CARMIL2: variants seen among roughly 807,000 people sequenced by gnomAD.
CARMIL2 encodes capping protein regulator and myosin 1 linker 2.
In CARMIL2, 96 loss-of-function variants were observed where a neutral mutation model predicts 173.3. The observed-to-expected ratio is 0.55, with a 90% CI of 0.47 to 0.66. The LOEUF (loss-of-function observed/expected upper bound fraction) is 0.66. Ranked by LOEUF, CARMIL2 falls within the 30% of genes least tolerant of loss-of-function variation. The pLI is 0.00. For synonymous variants in CARMIL2, 830 were observed against 817.1 expected, an observed-to-expected ratio of 1.02 and a Z score of -0.27; for missense variants, 1,771 against 1,906.7, an observed-to-expected ratio of 0.93 and a Z score of 1.33.
intron 32 of CARMIL2, among the ~76,000 whole-genome samples, chr16:67,655,580 C>T (rs573902595): frequency 3.3e-5 from 5 of 152,360 alleles, no homozygotes; most frequent in South Asian, 4.1e-4. Context: ...AACCTCACTG[C>T]TTTCCTCCCC....
chr16:67,646,726 A>G lies in CARMIL2; in HGVS notation c.479A>G (p.Glu160Gly). 6.2e-7 allele frequency: 1 copy of G among 1,613,892 alleles called. No homozygotes were observed. Among genetic ancestry groups the G allele is most frequent in the Non-Finnish European group, 8.5e-7 (1 of 1,179,868 alleles). The change falls in exon 7 of 38, where the codon GAG (glutamate) becomes GGG (glycine). Residue 160 changes from glutamate to glycine, a missense_variant. By Grantham distance (98) the Glu-to-Gly change is moderately conservative (BLOSUM62 -2). This residue lies in a region of CARMIL2 where 944 missense variants were observed against 975.6 expected (regional missense o/e 0.97). Transcript: ENST00000334583. The surrounding 1 kb of genome is among the most constrained non-coding windows in gnomAD (Gnocchi z 4.6). ...DPCSPCGGFL[E>G]TYEALCDYNG... ...ATCCCCTCCCCAGGTGGCTTCTTGG[A>G]GACATACGAGGCTCTGTGTGACTAC... is the stretch of plus-strand genomic sequence containing the variant.
chr16:67,654,120 C>T, intron 29 of CARMIL2, 29 bp from the exon 30 acceptor site: 1 of 1,415,268 alleles, frequency 7.1e-7, no homozygotes, highest in Non-Finnish European at 9.6e-7. Context: ...GCACTCAACC[C>T]TGACCCCTGA....
In CARMIL2 at chr16:67,653,489, C is replaced by A; in HGVS notation, c.3120+235C>A. Among the ~76,000 whole-genome samples, 1 of 152,022 alleles carries A rather than the reference C, an allele frequency of 6.6e-6. No individual in the cohort carries two copies. Among genetic ancestry groups the A allele is most frequent in the East Asian group, 1.9e-4 (1 of 5,136 alleles). ...CGGGGTGTGCCTGGGTGTGGGACTC[C>A]GTCTCGGGGCGGCCCGCGGCCTCCG... On this transcript the variant is annotated intron_variant, in intron 29 of 37. Transcript: ENST00000334583. The surrounding 1 kb of genome is among the most constrained non-coding windows in gnomAD (Gnocchi z 7.4).
Position 67,652,978 on chromosome 16 carries a change from C to G in CARMIL2, c.2885-41C>G, listed in dbSNP as rs1379125140. On this transcript the variant is annotated intron_variant, in intron 28 of 37. Coordinates refer to ENST00000334583, the MANE Select transcript of CARMIL2 (RefSeq NM_001013838.3). The surrounding 1 kb of genome is among the most constrained non-coding windows in gnomAD (Gnocchi z 4.7). ...CCTAGCGCCTCCGCCGCCACCTCCC[C>G]GGGCTCGGCGCTCGGTGCTCTTCTG... is the stretch of plus-strand genomic sequence containing the variant. The G allele has an allele frequency of 1.6e-5, 18 of 1,124,674 alleles. No individual in the cohort carries two copies. The East Asian group carries it at 2.3e-4, about 14-fold the overall frequency. The allele number at this position is 1,124,674 out of a possible 1,614,324, so 69.7% of individuals were successfully genotyped here.
In CARMIL2 at chr16:67,646,168, G is replaced by C; in HGVS notation, c.250-18G>C. 1 of 1,613,804 alleles carries C rather than the reference G, an allele frequency of 6.2e-7. No individual in the cohort carries two copies. On this transcript the variant is annotated intron_variant, in intron 4 of 37. Coordinates refer to ENST00000334583, the MANE Select transcript of CARMIL2 (RefSeq NM_001013838.3). The surrounding 1 kb of genome is among the most constrained non-coding windows in gnomAD (Gnocchi z 4.6). ...CGCCCATGTGTGGAGCCGAGGCCTA[G>C]TAGTGCCCCTTCCCTAGGTCACCTT...
At position 67,652,572 on chromosome 16, in the gene CARMIL2, G is replaced by A. The variant is rs377249295; in HGVS notation, c.2884+34G>A. On this transcript the variant is annotated intron_variant, in intron 28 of 37. Coordinates refer to ENST00000334583, the MANE Select transcript of CARMIL2 (RefSeq NM_001013838.3). The surrounding 1 kb of genome is among the most constrained non-coding windows in gnomAD (Gnocchi z 4.7). ...GGGCCTTGGGGGAGGGAGTTTACGTGGGTGGGCTGAAGCTCCATTAGACTT... is the reference window on the plus strand; with the variant it reads ...GGGCCTTGGGGGAGGGAGTTTACGTAGGTGGGCTGAAGCTCCATTAGACTT... 531 of 1,600,068 alleles carry A rather than the reference G, an allele frequency of 3.3e-4. 3 individuals are homozygous for A. The highest frequency in any genetic ancestry group is 6.9e-4 in the Admixed American group (41 of 59,684).
rs1156361909 is a variant in CARMIL2, at chr16:67,656,821, CCT to C, written c.4063_4064del (p.Ser1355GlyfsTer10). 2 of 1,550,958 alleles carry C rather than the reference CCT, an allele frequency of 1.3e-6. No individual in the cohort carries two copies. Among genetic ancestry groups the C allele is most frequent in the Non-Finnish European group, 1.7e-6 (2 of 1,147,076 alleles). ...RNEDGQLRPR[P>X]LSAGRRAVSV... ...CTCAGATGGCCAGCTGAGGCCGAGG[CCT>C]CTCTCGGCAGGGCGGCGAGCAGTGT... On this transcript the variant is annotated frameshift_variant, in exon 36 of 38. Transcript: ENST00000334583. LOFTEE classifies it high-confidence loss of function.
rs372017553 is a variant in CARMIL2 at position 67,649,272 on chromosome 16, C to G, written c.1707C>G (p.Val569=). 3.7e-6 allele frequency: 6 copies of G among 1,613,208 alleles called. No homozygotes were observed. The highest frequency in any genetic ancestry group is 1.3e-5 in the African/African-American group (1 of 74,948). The change falls in exon 19 of 38, where the codon GTC becomes GTG. Residue 569 remains valine (V), a synonymous_variant. Coordinates refer to ENST00000334583, the MANE Select transcript of CARMIL2 (RefSeq NM_001013838.3). This position sits in a 1 kb window ranked among gnomAD's most constrained non-coding sequence, Gnocchi z 6.7. ...CCCACAGGGAGACCCTGGACGACGT[C>G]CTGCACCGGATTGTCCAGCTCATGC... ...NVRCKETLDD[V]LHRIVQLMQD...
intron 1 of CARMIL2, 103 bp from the exon 2 acceptor site, chr16:67,645,437 G>T (rs1390082103): frequency 7.3e-7 from 1 of 1,369,882 alleles, no homozygotes; most frequent in Non-Finnish European, 1.0e-6. Context: ...CTCCTTCCTC[G>T]CTGGCCGCAG....
Position 67,656,287 on chromosome 16 carries a change from T to G in CARMIL2, c.3802T>G (p.Ser1268Ala). 1 of 1,613,934 alleles carries G rather than the reference T, an allele frequency of 6.2e-7. No homozygotes were observed. The highest frequency in any genetic ancestry group is 8.5e-7 in the Non-Finnish European group (1 of 1,179,862). Residue 1268 changes from serine (S) to alanine (A), a missense_variant, in exon 34 of 38, where the codon TCT (serine) becomes GCT (alanine). Ser to Ala is a moderately conservative substitution (Grantham distance 99, BLOSUM62 1). Coordinates refer to ENST00000334583, the MANE Select transcript of CARMIL2 (RefSeq NM_001013838.3). ...PPISIKSRTHSVSADPSCRPG... is the reference protein window; with the variant it reads ...PPISIKSRTHAVSADPSCRPG... ...CATCTCGATCAAGTCCCGCACCCAC[T>G]CTGTGTCTGCTGGTGAGTGAGGGCC...
In CARMIL2 at chr16:67,649,206, C is replaced by A. The variant is rs374574303; in HGVS notation, c.1688+34C>A. ...CCACCCTACTCCTGGGCCTCCCAGA[C>A]AACACCCCACCACCCCTGTCCCCCA... On this transcript the variant is annotated intron_variant, in intron 18 of 37. Coordinates refer to ENST00000334583, the MANE Select transcript of CARMIL2 (RefSeq NM_001013838.3). This position sits in a 1 kb window ranked among gnomAD's most constrained non-coding sequence, Gnocchi z 6.7. 413 of 1,612,696 alleles carry A rather than the reference C, an allele frequency of 2.6e-4. No individual in the cohort carries two copies. Among genetic ancestry groups the A allele is most frequent in the Non-Finnish European group, 3.0e-4 (355 of 1,179,342 alleles).
In CARMIL2 at chr16:67,652,340, G is replaced by T; in HGVS notation, c.2817+1G>T. On this transcript the variant is annotated splice_donor_variant, in intron 27 of 37. Transcript: ENST00000334583. LOFTEE classifies it high-confidence loss of function. The surrounding 1 kb of genome is among the most constrained non-coding windows in gnomAD (Gnocchi z 4.7). ...GGAGAAGGAAGAGGAGAAGGAGAAG[G>T]TAAGTGGTTTTAGAACACGGGGCAT... 1 of 1,613,326 alleles carries T rather than the reference G, an allele frequency of 6.2e-7. No homozygotes were observed.
At position 67,647,832 on chromosome 16, in the gene CARMIL2, C is replaced by A. The variant is rs758300293; in HGVS notation, c.959-14C>A. 1 of 1,600,526 alleles carries A rather than the reference C, an allele frequency of 6.2e-7. No individual in the cohort carries two copies. The highest frequency in any genetic ancestry group is 1.7e-5 in the Admixed American group (1 of 58,888). ...GGTCTGTCCAACTGCTGAGTGACCCCGACCCACCACCAGGAATGAGGGCTC... is the reference window on the plus strand; with the variant it reads ...GGTCTGTCCAACTGCTGAGTGACCCAGACCCACCACCAGGAATGAGGGCTC... On this transcript the variant is annotated splice_polypyrimidine_tract_variant and intron_variant, in intron 12 of 37. Transcript: ENST00000334583.
Position 67,652,099 on chromosome 16 carries a change from G to A in CARMIL2, c.2676+91G>A, listed in dbSNP as rs1190744105. ...TGCAGGGGCTCTGTAATGTCTTCTG[G>A]GGTCATGTAGCCCAGGGCTATTTCA... On this transcript the variant is annotated intron_variant, in intron 26 of 37. Transcript: ENST00000334583. The surrounding 1 kb of genome is among the most constrained non-coding windows in gnomAD (Gnocchi z 4.7). The A allele has an allele frequency of 3.7e-6, 6 of 1,600,340 alleles. No homozygotes were observed. The highest frequency in any genetic ancestry group is 5.1e-6 in the Non-Finnish European group (6 of 1,170,568).
At position 67,647,729 on chromosome 16, in the gene CARMIL2, GA is replaced by G; in HGVS notation, c.922del (p.Arg308AspfsTer9). The part of the protein sequence containing the change: ...HLERCPGALR[R>X]LSLAQTGLTP... ...TCGAGCGTTGTCCAGGAGCCCTGAG[GA>G]GACTCAGCCTGGCCCAGACAGGGTT... On this transcript the variant is annotated frameshift_variant, in exon 12 of 38. Coordinates refer to ENST00000334583, the MANE Select transcript of CARMIL2 (RefSeq NM_001013838.3). LOFTEE classifies it high-confidence loss of function. 1 of 1,505,520 alleles carries G rather than the reference GA, an allele frequency of 6.6e-7. No homozygotes were observed. The highest frequency in any genetic ancestry group is 8.9e-7 in the Non-Finnish European group (1 of 1,117,352). 93.3% of individuals were successfully genotyped at this position (1,505,520 alleles called of 1,614,324 possible). A position where few individuals can be genotyped will look rare whatever the true frequency, so the allele number is the denominator to read the frequency against.
At position 67,657,551 on chromosome 16, in the gene CARMIL2, A is replaced by G; in HGVS notation, c.*33A>G. On this transcript the variant is annotated 3_prime_UTR_variant, in exon 38 of 38. Coordinates refer to ENST00000334583, the MANE Select transcript of CARMIL2 (RefSeq NM_001013838.3). This position sits in a 1 kb window ranked among gnomAD's most constrained non-coding sequence, Gnocchi z 4.5. Reference sequence around the variant, plus strand: ...CTCTCCTGCCGCATGAGATTATTTTATTAAAAAACTCAAAGGAAGCAGAGT... The same window carrying G: ...CTCTCCTGCCGCATGAGATTATTTTGTTAAAAAACTCAAAGGAAGCAGAGT... The G allele has an allele frequency of 6.2e-7, 1 of 1,613,806 alleles. No individual in the cohort carries two copies. The highest frequency in any genetic ancestry group is 8.5e-7 in the Non-Finnish European group (1 of 1,179,780).
intron 22 of CARMIL2, 52 bp downstream of exon 22, chr16:67,650,202 C>T: frequency 6.8e-7 from 1 of 1,466,332 alleles, no homozygotes; most frequent in Non-Finnish European, 9.3e-7. Context: ...AGACCTGTGG[C>T]ATCCGGGAGC....
At position 67,647,764 on chromosome 16, in the gene CARMIL2, G is replaced by A. The variant is rs1270112047; in HGVS notation, c.956G>A (p.Arg319Gln). The change falls in exon 12 of 38, where the codon CGA (arginine) becomes CAA (glutamine). Residue 319 changes from arginine (R) to glutamine (Q), a missense_variant and splice_region_variant. Physicochemically the swap from Arg to Gln is conservative, Grantham distance 43. Coordinates refer to ENST00000334583, the MANE Select transcript of CARMIL2 (RefSeq NM_001013838.3). ...CTGGCCCAGACAGGGTTGACACCGC[G>A]AGGTAGGCTGGATGAGGGAGGGGGT... ...LSLAQTGLTP[R>Q]GMRALGRALA... 19 of 1,497,422 alleles carry A rather than the reference G, an allele frequency of 1.3e-5. No homozygotes were observed. The South Asian group carries it at 1.7e-4, about 13-fold the overall frequency. 92.8% of individuals were successfully genotyped at this position (1,497,422 alleles called of 1,614,324 possible). A position where few individuals can be genotyped will look rare whatever the true frequency, so the allele number is the denominator to read the frequency against.
rs1213757371 is a variant in CARMIL2, at chr16:67,648,184, G to C, written c.1204G>C (p.Gly402Arg). ...GACCGGCAGGGCGGACTGGAGGGCG[G>C]GACGGGGAGGGCTCGGTCCCCCCGC... ...WMTGRADWRA[G>R]RGGLGPPAGV... The change falls in exon 14 of 38, where the codon GGA (glycine) becomes CGA (arginine). Residue 402 changes from glycine (G) to arginine (R), a missense_variant. Gly to Arg is a moderately radical substitution (Grantham distance 125, BLOSUM62 -2). Around this residue, in one of 3 missense-constraint regions of CARMIL2, gnomAD observed 944 missense variants for 975.6 expected, o/e 0.97. Transcript: ENST00000334583. The surrounding 1 kb of genome is among the most constrained non-coding windows in gnomAD (Gnocchi z 6.1). The C allele has an allele frequency of 1.2e-6, 2 of 1,608,518 alleles. No homozygotes were observed. Among genetic ancestry groups the C allele is most frequent in the Non-Finnish European group, 1.7e-6 (2 of 1,177,958 alleles).
Sources: allele counts gnomAD v4.1 joint callset (sites outside exome capture counted in the v4.1 genomes callset), GRCh38; gene constraint gnomAD v4.1.1; regional missense constraint gnomAD v4.1.1; non-coding constraint Gnocchi (gnomAD v3.1); transcripts MANE v1.5; gene names NCBI Gene and HGNC (gene_info 2026-07-23, HGNC 2026-07-21).